AGTPBP1: variants seen among roughly 807,000 people sequenced by gnomAD.
AGTPBP1 encodes ATP/GTP binding carboxypeptidase 1, also known as cytosolic carboxypeptidase 1.
AGTPBP1 carries 70 observed loss-of-function variants against 143.9 expected under a neutral mutation model. The observed-to-expected ratio is 0.49, with a 90% CI of 0.40 to 0.59. The LOEUF (loss-of-function observed/expected upper bound fraction) is 0.59, where lower values mean the gene tolerates loss of function less well. Ranked by LOEUF, AGTPBP1 falls within the 20% of genes least tolerant of loss-of-function variation. The pLI, the probability that AGTPBP1 is intolerant of heterozygous loss-of-function variation, is 0.00. For missense variants in AGTPBP1, 1,229 were observed against 1,464.5 expected, an observed-to-expected ratio of 0.84 and a Z score of 2.62; for synonymous variants, 463 against 500.2, an observed-to-expected ratio of 0.93 and a Z score of 0.99.
the AGTPBP1 span, among the ~76,000 whole-genome samples, chr9:85,804,292 C>G: frequency 4.8e-3 from 730 of 152,312 alleles, 3 homozygotes; most frequent in African/African-American, 0.016. Context: ...ACAACTTTCA[C>G]TGATTCGCCT....
At chr9:85,560,895 A>G (rs1826669917) in intron 25 of AGTPBP1, among the ~76,000 whole-genome samples, 1 of 152,192 alleles carries the variant, frequency 6.6e-6, no homozygotes, top group Admixed American at 6.5e-5. Context: ...AGAGATAATG[A>G]AGGCAGGAAC....
At chr9:85,675,805 C>A (rs1345910434) in intron 6 of AGTPBP1, among the ~76,000 whole-genome samples, 1 of 152,192 alleles carries the variant, frequency 6.6e-6, no homozygotes, top group Non-Finnish European at 1.5e-5. Context: ...GTGGGCGGAT[C>A]ATGAGGTCTG....
chr9:85,791,431 C>T, the AGTPBP1 span: 1 of 151,854 alleles, frequency 6.6e-6, no homozygotes, highest in Non-Finnish European at 1.5e-5. Flanking sequence ...ACGAACCATT[C>T]CTTGGACCCC....
intron 17 of AGTPBP1, among the ~76,000 whole-genome samples, chr9:85,618,462 C>T (rs1443954214): frequency 6.6e-6 from 1 of 151,958 alleles, no homozygotes; most frequent in Admixed American, 6.6e-5. Context: ...AAAAAGACAA[C>T]TATAGACCAA....
chr9:85,786,724 T>C, the AGTPBP1 span: 3 of 1,107,936 alleles, frequency 2.7e-6, no homozygotes, highest in South Asian at 1.9e-5. Flanking sequence ...TTATATGCTA[T>C]AGATGTGTAC....
chr9:85,643,359 G>A (rs1480480606), intron 12 of AGTPBP1, among the ~76,000 whole-genome samples: 1 of 152,144 alleles, frequency 6.6e-6, no homozygotes, highest in Non-Finnish European at 1.5e-5. Context: ...AGAACACTAT[G>A]AAGTTACCCC....
chr9:85,599,493 T>G (rs536848959), intron 17 of AGTPBP1, among the ~76,000 whole-genome samples: 40 of 152,298 alleles, frequency 2.6e-4, no homozygotes, highest in African/African-American at 9.4e-4. Flanking sequence ...TCCACCCTCA[T>G]AGTCATGATT....
chr9:85,762,633 AG>A, the AGTPBP1 span, among the ~76,000 whole-genome samples: 1 of 110,808 alleles, frequency 9.0e-6, no homozygotes, highest in African/African-American at 3.7e-5. Context: ...GGGTGTGGGG[AG>A]GGGGCAGCGA....
intron 8 of AGTPBP1, among the ~76,000 whole-genome samples, chr9:85,661,708 A>C (rs1833867049): frequency 6.6e-6 from 1 of 152,146 alleles, no homozygotes; most frequent in South Asian, 2.1e-4. Flanking sequence ...AAATACACAT[A>C]ATATCACCAT....
chr9:85,724,523 A>C (rs1838346863), intron 1 of AGTPBP1, among the ~76,000 whole-genome samples: 2 of 152,192 alleles, frequency 1.3e-5, no homozygotes, highest in Admixed American at 1.3e-4. Flanking sequence ...CATTAATGCC[A>C]CAATCTACTT....
the AGTPBP1 span, among the ~76,000 whole-genome samples, chr9:85,773,276 A>G: frequency 1.3e-5 from 2 of 148,336 alleles, no homozygotes; most frequent in East Asian, 3.9e-4. Context: ...AAAAAAAAAA[A>G]AAAAAAAAAA....
At chr9:85,749,717 A>T in the AGTPBP1 span, among the ~76,000 whole-genome samples, 1 of 152,168 alleles carries the variant, frequency 6.6e-6, no homozygotes, top group Non-Finnish European at 1.5e-5. Context: ...TCCCTAAATC[A>T]TAGGATTGTT....
intron 24 of AGTPBP1, 31 bp downstream of exon 24, chr9:85,578,889 T>TG (rs764372673): frequency 6.9e-6 from 11 of 1,601,186 alleles, no homozygotes; most frequent in Non-Finnish European, 9.4e-6. Context: ...TTCAAATATC[T>TG]TTCATGGTTA....
intron 25 of AGTPBP1, among the ~76,000 whole-genome samples, chr9:85,560,858 C>T (rs1014491865): frequency 1.3e-5 from 2 of 152,030 alleles, no homozygotes; most frequent in African/African-American, 2.4e-5. Flanking sequence ...AAAGATCATA[C>T]GCAAACATAA....
intron 14 of AGTPBP1, among the ~76,000 whole-genome samples, chr9:85,630,287 A>T (rs550983788): frequency 6.6e-6 from 1 of 152,342 alleles, no homozygotes; most frequent in African/African-American, 2.4e-5. Context: ...AGTGGGACAG[A>T]GTTCATCCTC....
chr9:85,630,916 G>A (rs536614689), intron 14 of AGTPBP1, among the ~76,000 whole-genome samples: 41 of 152,300 alleles, frequency 2.7e-4, no homozygotes, highest in Admixed American at 2.4e-3. Context: ...CAGGCCGGCT[G>A]TAACATGTCC....
chr9:85,571,791 T>C (rs1018261739), intron 25 of AGTPBP1, among the ~76,000 whole-genome samples: 3 of 152,068 alleles, frequency 2.0e-5, no homozygotes, highest in Non-Finnish European at 2.9e-5. Flanking sequence ...CAGACTCAGA[T>C]TGAGAACATT....
chr9:85,704,342 G>C (rs900615854), intron 2 of AGTPBP1, among the ~76,000 whole-genome samples: 8 of 152,092 alleles, frequency 5.3e-5, no homozygotes, highest in African/African-American at 1.9e-4. Context: ...GCTGAATACA[G>C]ATCAGCGCAG....
At chr9:85,775,134 C>A in the AGTPBP1 span, among the ~76,000 whole-genome samples, 14 of 152,142 alleles carry the variant, frequency 9.2e-5, no homozygotes, top group Middle Eastern at 3.4e-3. Context: ...GAAACCCCAT[C>A]TCTACAAAAG....
Sources: gnomAD v4.1 joint callset for allele counts (sites outside exome capture counted in the v4.1 genomes callset) on GRCh38, gnomAD v4.1.1 for gene constraint, MANE v1.5 for transcripts, NCBI Gene and HGNC (gene_info 2026-07-23, HGNC 2026-07-21) for gene names.